The following ZYG11B variants were observed in gnomAD, a reference collection of about 807,000 sequenced individuals.
ZYG11B encodes zyg-11 family member B, cell cycle regulator.
In ZYG11B, 36 loss-of-function variants were observed where a neutral mutation model predicts 82.4. The observed-to-expected ratio is 0.44, with a 90% CI of 0.33 to 0.58. ZYG11B has a LOEUF of 0.58. Ranked by LOEUF, ZYG11B falls within the 20% of genes least tolerant of loss-of-function variation. The probability of loss-of-function intolerance (pLI) is 0.02; values close to 1 mark genes in which losing one functional copy is unlikely to be tolerated. For missense variants in ZYG11B, 552 were observed against 895.6 expected, an observed-to-expected ratio of 0.62 and a Z score of 4.90; for synonymous variants, 303 against 312.8, an observed-to-expected ratio of 0.97 and a Z score of 0.33.
In ZYG11B at chr1:52,743,085, G is replaced by GATGATGGCC. The variant is rs568813875; in HGVS notation, c.31-13369_31-13368insTGGCCATGA. 4.3e-4 allele frequency among the ~76,000 whole-genome samples: 66 copies of GATGATGGCC among 152,198 alleles called. 1 individual carries two copies. The East Asian group carries it at 0.012, about 27-fold the overall frequency. ...CAACAGCTCATTGTGAACGGGCCAT[G>GATGATGGCC]ATGACGATGGCGGTTTTGTCGAATA... On this transcript the variant is annotated intron_variant, in intron 1 of 13. Coordinates refer to ENST00000294353, the MANE Select transcript of ZYG11B (RefSeq NM_024646.3).
At chr1:52,816,736 G>T in intron 13 of ZYG11B, 107 bp downstream of exon 13, 2 of 702,064 alleles carry the variant, frequency 2.8e-6, no homozygotes, top group Admixed American at 3.0e-5. Context: ...TAAGAACACT[G>T]ACTTAAAATG....
At chr1:52,815,214 A>G (rs1001500637) in intron 12 of ZYG11B, among the ~76,000 whole-genome samples, 3 of 151,940 alleles carry the variant, frequency 2.0e-5, no homozygotes, top group Non-Finnish European at 4.4e-5. Flanking sequence ...ATTAAAGGGC[A>G]TACTGGGCCT....
chr1:52,749,796 G>A (rs569624778), intron 1 of ZYG11B, among the ~76,000 whole-genome samples: 3 of 152,096 alleles, frequency 2.0e-5, no homozygotes, highest in Non-Finnish European at 4.4e-5. Flanking sequence ...CAGGTGATCC[G>A]CCTGCCTCAG....
chr1:52,755,840 C>G (rs1350715430), intron 1 of ZYG11B, among the ~76,000 whole-genome samples: 1 of 152,126 alleles, frequency 6.6e-6, no homozygotes, highest in Non-Finnish European at 1.5e-5. Flanking sequence ...CACTCTATCA[C>G]CCAGGCTGGA....
chr1:52,818,224 G>C (rs1204750265), intron 13 of ZYG11B, among the ~76,000 whole-genome samples: 1 of 152,042 alleles, frequency 6.6e-6, no homozygotes, highest in Non-Finnish European at 1.5e-5. Flanking sequence ...TATAATCCCA[G>C]CATTTTCTGA....
At chr1:52,754,072 C>T (rs1644549939) in intron 1 of ZYG11B, among the ~76,000 whole-genome samples, 1 of 151,442 alleles carries the variant, frequency 6.6e-6, no homozygotes, top group Non-Finnish European at 1.5e-5. Context: ...ATTGCCCAGG[C>T]TTGAGTGCAG....
chr1:52,772,511 A>G, intron 3 of ZYG11B: 1 of 1,606,886 alleles, frequency 6.2e-7, no homozygotes, highest in Non-Finnish European at 8.5e-7. Flanking sequence ...TCTGTGAAGG[A>G]GTAAGGCCCT....
intron 1 of ZYG11B, among the ~76,000 whole-genome samples, chr1:52,744,840 C>A (rs77510518): frequency 0.016 from 2,372 of 151,252 alleles, 38 homozygotes; most frequent in Middle Eastern, 0.12. Context: ...GACTCCATAT[C>A]AAAAAAAAAA....
intron 13 of ZYG11B, among the ~76,000 whole-genome samples, chr1:52,818,631 AG>A (rs2149968316): frequency 6.6e-6 from 1 of 152,106 alleles, no homozygotes; most frequent in African/African-American, 2.4e-5. Flanking sequence ...GGAGATGGGG[AG>A]GGGAGAGAAT....
In ZYG11B at chr1:52,803,143, T is replaced by C. The variant is rs1447509430; in HGVS notation, c.1695+1004T>C. ...ACACACATATATATATACACACATATATATATATATACACATATATATATA... is the reference window on the plus strand; with the variant it reads ...ACACACATATATATATACACACATACATATATATATACACATATATATATA... On this transcript the variant is annotated intron_variant, in intron 10 of 13. Coordinates refer to ENST00000294353, the MANE Select transcript of ZYG11B (RefSeq NM_024646.3). Among the ~76,000 whole-genome samples, 19 of 72,734 alleles carry C rather than the reference T, an allele frequency of 2.6e-4. 1 individual carries two copies. The highest frequency in any genetic ancestry group is 1.0e-3 in the South Asian group (3 of 2,990). The allele number at this position is 72,734 out of a possible 152,430, so 47.7% of individuals were successfully genotyped here.
intron 13 of ZYG11B, among the ~76,000 whole-genome samples, chr1:52,818,980 G>C (rs548232770): frequency 6.6e-6 from 1 of 152,064 alleles, no homozygotes; most frequent in South Asian, 2.1e-4. Flanking sequence ...TTTTAGTAGA[G>C]GCTGGGTTTC....
rs1481484800 is a variant in ZYG11B at position 52,741,321 on chromosome 1, A to AAAAAAT, written c.30+14641_30+14642insAATAAA. Among the ~76,000 whole-genome samples, 48 of 125,402 alleles carry AAAAAAT rather than the reference A, an allele frequency of 3.8e-4. 3 individuals carry two copies. Among genetic ancestry groups the AAAAAAT allele is most frequent in the East Asian group, 1.5e-3 (6 of 4,048 alleles). 82.3% of individuals were successfully genotyped at this position (125,402 alleles called of 152,430 possible). A position where few individuals can be genotyped will look rare whatever the true frequency, so the allele number is the denominator to read the frequency against. ...CTCAAAAAAAAAAAAAAAAAAAAAG[A>AAAAAAT]AAAGAAAAGAAAGTTTTTTAAAAAC... On this transcript the variant is annotated intron_variant, in intron 1 of 13. Transcript: ENST00000294353.
chr1:52,805,389 A>G lies in ZYG11B; in HGVS notation c.1695+3250A>G, dbSNP rs1259930633. 1.3e-5 allele frequency: 6 copies of G among 444,782 alleles called. No individual in the cohort carries two copies. In the Admixed American group the frequency reaches 1.5e-4, roughly 11 times the overall value. 27.6% of individuals were successfully genotyped at this position (444,782 alleles called of 1,614,324 possible). A position where few individuals can be genotyped will look rare whatever the true frequency, so the allele number is the denominator to read the frequency against. On this transcript the variant is annotated intron_variant, in intron 10 of 13. Coordinates refer to ENST00000294353, the MANE Select transcript of ZYG11B (RefSeq NM_024646.3). ...TCTGTTGTTGTAGCCTTCATTATAT[A>G]AGGTAGAAAATGGAAAACAACCTAA...
chr1:52,735,726 T>C (rs1048583404), intron 1 of ZYG11B, among the ~76,000 whole-genome samples: 5 of 151,880 alleles, frequency 3.3e-5, no homozygotes, highest in Non-Finnish European at 7.4e-5. Flanking sequence ...TTAGAAGAGA[T>C]GGGGTTTCAC....
chr1:52,811,528 ACTC>A (rs1645182818), intron 10 of ZYG11B, among the ~76,000 whole-genome samples: 1 of 151,246 alleles, frequency 6.6e-6, no homozygotes, highest in Non-Finnish European at 1.5e-5. Flanking sequence ...TTGGTTTTGA[ACTC>A]CTGGCCTGAA....
intron 8 of ZYG11B, among the ~76,000 whole-genome samples, chr1:52,799,070 T>C (rs1645052349): frequency 6.6e-6 from 1 of 151,998 alleles, no homozygotes; most frequent in Admixed American, 6.6e-5. Context: ...GAATTATAAT[T>C]ATGTAATTAT....
chr1:52,809,758 T>C (rs1032799868), intron 10 of ZYG11B, among the ~76,000 whole-genome samples: 4 of 152,174 alleles, frequency 2.6e-5, no homozygotes, highest in African/African-American at 9.7e-5. Context: ...ATTTCTCTGA[T>C]GATAAGTGGT....
chr1:52,772,079 C>G (rs544573848), intron 3 of ZYG11B: 23 of 767,092 alleles, frequency 3.0e-5, no homozygotes, highest in Admixed American at 8.8e-5. Context: ...AATAGGTTGT[C>G]TTATGATGAT....
intron 5 of ZYG11B, among the ~76,000 whole-genome samples, chr1:52,789,708 C>T (rs775840227): frequency 6.6e-6 from 1 of 151,924 alleles, no homozygotes; most frequent in Non-Finnish European, 1.5e-5. Context: ...CTCTCTATCT[C>T]AAAAAATACA....
Sources: gnomAD v4.1 joint callset for allele counts (sites outside exome capture counted in the v4.1 genomes callset) on GRCh38, gnomAD v4.1.1 for gene constraint, MANE v1.5 for transcripts, NCBI Gene and HGNC (gene_info 2026-07-23, HGNC 2026-07-21) for gene names.